ADCY10: variants seen among roughly 807,000 people sequenced by gnomAD.
ADCY10 encodes adenylate cyclase 10.
A neutral mutation model predicts 183.3 loss-of-function variants in ADCY10; 156 were observed. The observed-to-expected ratio is 0.85, with a 90% CI of 0.75 to 0.97. ADCY10 has a LOEUF of 0.97. Ranked by LOEUF, ADCY10 falls within the 50% of genes least tolerant of loss-of-function variation. The probability of loss-of-function intolerance (pLI) is 0.00; values close to 1 mark genes in which losing one functional copy is unlikely to be tolerated. For missense variants in ADCY10, 1,745 were observed against 1,934.3 expected (o/e 0.90, Z 1.84); for synonymous variants, 645 against 670.0 (o/e 0.96, Z 0.58).
At chr1:167,890,928 C>T (rs1254875592) in intron 8 of ADCY10, among the ~76,000 whole-genome samples, 1 of 152,122 alleles carries the variant, frequency 6.6e-6, no homozygotes. Flanking sequence ...TCCAAATCTC[C>T]AGACTCCTCA....
intron 12 of ADCY10, 21 bp downstream of exon 12, chr1:167,878,425 A>G: frequency 1.9e-6 from 3 of 1,611,760 alleles, no homozygotes; most frequent in Non-Finnish European, 2.5e-6. Flanking sequence ...ATATACTTCA[A>G]AATTAATGCT....
chr1:167,860,828 T>C (rs1666230874), intron 15 of ADCY10, 43 bp downstream of exon 15: 1 of 1,551,790 alleles, frequency 6.4e-7, no homozygotes, highest in Non-Finnish European at 8.9e-7. Flanking sequence ...TTGCTGTGCC[T>C]GCCCATGGCT....
At chr1:167,879,950 T>C (rs369570414) in intron 11 of ADCY10, among the ~76,000 whole-genome samples, 165 bp downstream of exon 11, 7 of 152,156 alleles carry the variant, frequency 4.6e-5, no homozygotes, top group African/African-American at 1.7e-4. Flanking sequence ...AAATGCACAC[T>C]CTGCAAGCAT....
Position 167,854,405 on chromosome 1 carries a change from G to C in ADCY10, c.2256C>G (p.Phe752Leu). 6.2e-7 allele frequency: 1 copy of C among 1,614,186 alleles called. No individual in the cohort carries two copies. Among genetic ancestry groups the C allele is most frequent in the Non-Finnish European group, 8.5e-7 (1 of 1,180,024 alleles). The change falls in exon 18 of 33, where the codon TTC (phenylalanine) becomes TTG (leucine). Residue 752 changes from phenylalanine to leucine, a missense_variant. Transcript: ENST00000367851. ...KNLEHHEVLV[F>L]QQTESEEKTN... The stretch of plus-strand genomic sequence containing the variant: ...TCTTTTCCTCAGACTCCGTTTGTTG[G>C]AAAACGAGTACCTCATGATGTTCCA...
At chr1:167,871,242 T>C (rs1667086051) in intron 13 of ADCY10, among the ~76,000 whole-genome samples, 2 of 152,218 alleles carry the variant, frequency 1.3e-5, no homozygotes, top group Admixed American at 6.5e-5. Context: ...TAAATGAAGA[T>C]TATACTTAAT....
intron 8 of ADCY10, among the ~76,000 whole-genome samples, chr1:167,890,923 A>G (rs1231001982): frequency 6.6e-6 from 1 of 152,116 alleles, no homozygotes. Flanking sequence ...TAGAATCCAA[A>G]TCTCCAGACT....
intron 3 of ADCY10, among the ~76,000 whole-genome samples, chr1:167,903,322 G>A (rs1669573148): frequency 6.6e-6 from 1 of 151,538 alleles, no homozygotes; most frequent in African/African-American, 2.4e-5. Flanking sequence ...CCAGCACTTT[G>A]GGGGGCTGAG....
intron 1 of ADCY10, among the ~76,000 whole-genome samples, chr1:167,909,251 G>A (rs886779362): frequency 6.6e-5 from 10 of 152,092 alleles, no homozygotes; most frequent in Non-Finnish European, 1.5e-4. Flanking sequence ...ATCACCTGAT[G>A]GAATATACCA....
intron 13 of ADCY10, among the ~76,000 whole-genome samples, chr1:167,871,687 T>C (rs1238977041): frequency 6.6e-6 from 1 of 152,278 alleles, no homozygotes; most frequent in Non-Finnish European, 1.5e-5. Context: ...TTATCTAATG[T>C]CTTTGTTGAA....
chr1:167,825,623 G>T (rs745528811), intron 26 of ADCY10, among the ~76,000 whole-genome samples: 1 of 151,868 alleles, frequency 6.6e-6, no homozygotes, highest in Non-Finnish European at 1.5e-5. Flanking sequence ...CTCTACAAAA[G>T]ATTTTAAAAA....
intron 31 of ADCY10, 108 bp from the exon 32 acceptor site, chr1:167,811,021 C>A: frequency 9.4e-7 from 1 of 1,065,170 alleles, no homozygotes; most frequent in African/African-American, 1.6e-5. Flanking sequence ...TTTAAGCAAT[C>A]AAGTGAGAAA....
At chr1:167,878,730 T>A (rs1306191623) in intron 11 of ADCY10, 95 bp from the exon 12 acceptor site, 1 of 1,249,168 alleles carries the variant, frequency 8.0e-7, no homozygotes, top group East Asian at 2.5e-5. Flanking sequence ...ATTTTTACCC[T>A]TTACTCCCTT....
At chr1:167,865,743 T>A (rs1266828548) in intron 14 of ADCY10, among the ~76,000 whole-genome samples, 1 of 152,244 alleles carries the variant, frequency 6.6e-6, no homozygotes, top group East Asian at 1.9e-4. Context: ...AATGCCTGGT[T>A]GAAATGGATC....
At chr1:167,820,345 C>A in intron 30 of ADCY10, 1 of 821,524 alleles carries the variant, frequency 1.2e-6, no homozygotes, top group Non-Finnish European at 1.8e-6. Context: ...CGGGGCCGGC[C>A]AGAGGGGCGG....
At position 167,901,718 on chromosome 1, in the gene ADCY10, T is replaced by A; in HGVS notation, c.380A>T (p.His127Leu). The A allele has an allele frequency of 6.2e-7, 1 of 1,614,216 alleles. No homozygotes were observed. Among genetic ancestry groups the A allele is most frequent in the Non-Finnish European group, 8.5e-7 (1 of 1,180,034 alleles). The change falls in exon 5 of 33, where the codon CAT (histidine) becomes CTT (leucine). Residue 127 changes from histidine to leucine, a missense_variant. Physicochemically the swap from His to Leu is moderately conservative, Grantham distance 99. Coordinates refer to ENST00000367851, the MANE Select transcript of ADCY10 (RefSeq NM_018417.6). ...CCACTCCTGGGTCTCAAACAATCCATGGATCTCCAGGCTACATTTAATTAC... is the reference window on the plus strand; with the variant it reads ...CCACTCCTGGGTCTCAAACAATCCAAGGATCTCCAGGCTACATTTAATTAC... ...TVVIKCSLEIHGLFETQEWEE... is the reference protein window; with the variant it reads ...TVVIKCSLEILGLFETQEWEE...
chr1:167,858,521 A>G (rs1294944723), intron 16 of ADCY10, among the ~76,000 whole-genome samples: 3 of 147,758 alleles, frequency 2.0e-5, no homozygotes, highest in Non-Finnish European at 4.5e-5. Context: ...AAAAAAAAAA[A>G]AGAGGCTCAC....
rs148028125 is a variant in ADCY10, at chr1:167,809,790, G to A, written c.4721C>T (p.Thr1574Met). 3,493 of 1,614,030 alleles carry A rather than the reference G, an allele frequency of 2.2e-3. 63 individuals are homozygous for A. Among genetic ancestry groups the A allele is most frequent in the Middle Eastern group, 3.3e-4 (2 of 6,062 alleles). ...TTCCCATGATGGGAGACTCAAGATCGTCTGAAGCCATTGGTCTTCTTTTAA... is the reference window on the plus strand; with the variant it reads ...TTCCCATGATGGGAGACTCAAGATCATCTGAAGCCATTGGTCTTCTTTTAA... Reference protein sequence around the residue: ...SELKEDQWLQTILSLPSWEKI... With the variant: ...SELKEDQWLQMILSLPSWEKI... Residue 1574 changes from threonine to methionine, a missense_variant, in exon 33 of 33, where the codon ACG becomes ATG. Thr to Met is a moderately conservative substitution (Grantham distance 81, BLOSUM62 -1). Coordinates refer to ENST00000367851, the MANE Select transcript of ADCY10 (RefSeq NM_018417.6).
chr1:167,886,478 G>C (rs1571405502), intron 8 of ADCY10, among the ~76,000 whole-genome samples: 2 of 152,264 alleles, frequency 1.3e-5, no homozygotes, highest in South Asian at 4.1e-4. Context: ...ATGGTGCTGG[G>C]AAAACTGGCT....
intron 7 of ADCY10, among the ~76,000 whole-genome samples, chr1:167,895,534 G>A (rs999199918): frequency 6.6e-6 from 1 of 152,168 alleles, no homozygotes; most frequent in African/African-American, 2.4e-5. Flanking sequence ...GAGTTTTCAG[G>A]GAAGGGTAAG....
Sources: gnomAD v4.1 joint callset for allele counts (sites outside exome capture counted in the v4.1 genomes callset) on GRCh38, gnomAD v4.1.1 for gene constraint, MANE v1.5 for transcripts, NCBI Gene and HGNC (gene_info 2026-07-23, HGNC 2026-07-21) for gene names.